The following DENND1A variants were observed in gnomAD, a reference collection of about 807,000 sequenced individuals.
DENND1A encodes the protein DENN domain-containing protein 1A.
A neutral mutation model predicts 113.7 loss-of-function variants in DENND1A; 51 were observed. The ratio of observed to expected loss-of-function variants is 0.45; its 90% CI spans 0.36 to 0.57. DENND1A has a LOEUF of 0.57. DENND1A is among the 20% of genes least tolerant of loss of function. The pLI is 0.00. For missense variants in DENND1A, 1,258 were observed against 1,395.9 expected (o/e 0.90, Z 1.57); for synonymous variants, 565 against 570.8 (o/e 0.99, Z 0.14).
chr9:123,582,952 G>A (rs1267665429), intron 12 of DENND1A, among the ~76,000 whole-genome samples: 3 of 151,924 alleles, frequency 2.0e-5, no homozygotes, highest in East Asian at 1.9e-4. Flanking sequence ...ACCCGCCTCG[G>A]CCTCCCAAAG....
intron 9 of DENND1A, 44 bp downstream of exon 9, chr9:123,651,969 A>G (rs763013256): frequency 6.5e-7 from 1 of 1,541,092 alleles, no homozygotes; most frequent in South Asian, 1.2e-5. Context: ...TCTTTCAATT[A>G]AAATTAGATC....
At chr9:123,668,614 G>A (rs1450026692) in intron 7 of DENND1A, among the ~76,000 whole-genome samples, 2 of 152,148 alleles carry the variant, frequency 1.3e-5, no homozygotes, top group Non-Finnish European at 2.9e-5. Context: ...CTAGAGCTGT[G>A]CTCTTTCCAC....
intron 19 of DENND1A, among the ~76,000 whole-genome samples, chr9:123,432,672 G>T (rs2046223600): frequency 6.6e-6 from 1 of 152,246 alleles, no homozygotes; most frequent in South Asian, 2.1e-4. Flanking sequence ...GGTGTGCAGG[G>T]TATACCGCCT....
intron 9 of DENND1A, among the ~76,000 whole-genome samples, chr9:123,639,969 G>A (rs562285189): frequency 6.6e-6 from 1 of 152,242 alleles, no homozygotes; most frequent in African/African-American, 2.4e-5. Context: ...GCTCCTGGGT[G>A]TTGAGGAACC....
chr9:123,536,805 G>A (rs1341704146), intron 13 of DENND1A, among the ~76,000 whole-genome samples: 1 of 152,112 alleles, frequency 6.6e-6, no homozygotes, highest in Non-Finnish European at 1.5e-5. Context: ...AGTAGGGGAA[G>A]GGAACCCACA....
chr9:123,667,047 T>C lies in DENND1A; in HGVS notation c.486A>G (p.Glu162=), dbSNP rs2063526290. The C allele has an allele frequency of 6.3e-7, 1 of 1,598,340 alleles. No homozygotes were observed. The highest frequency in any genetic ancestry group is 1.4e-5 in the African/African-American group (1 of 73,852). ...TTACATTCTCAGGTATGCTGGGAAGTTCTCTGGTATCAGGCACAGTAAAAT... is the reference window on the plus strand; with the variant it reads ...TTACATTCTCAGGTATGCTGGGAAGCTCTCTGGTATCAGGCACAGTAAAAT... ...HSYFTVPDTR[E]LPSIPENRNL... Residue 162 remains glutamate, a synonymous_variant, in exon 8 of 24, where the codon GAA becomes GAG. Coordinates refer to ENST00000394215, the MANE Select transcript of DENND1A (RefSeq NM_001352964.2).
intron 1 of DENND1A, among the ~76,000 whole-genome samples, chr9:123,886,893 T>C (rs1032116805): frequency 4.6e-5 from 7 of 152,208 alleles, no homozygotes; most frequent in African/African-American, 1.4e-4. Flanking sequence ...CAGGATCAGA[T>C]TAATGAAGAT....
intron 2 of DENND1A, among the ~76,000 whole-genome samples, chr9:123,827,330 AT>A (rs948148089): frequency 3.3e-5 from 5 of 151,180 alleles, no homozygotes; most frequent in African/African-American, 1.2e-4. Context: ...GAATAAGATT[AT>A]TTAGTGGCCT....
intron 19 of DENND1A, among the ~76,000 whole-genome samples, chr9:123,415,836 G>A (rs558051913): frequency 3.6e-4 from 55 of 152,298 alleles, no homozygotes; most frequent in East Asian, 1.7e-3. Flanking sequence ...TAGACAGGGC[G>A]TGGTGGGGCC....
chr9:123,599,424 C>T (rs532715687), intron 11 of DENND1A, among the ~76,000 whole-genome samples: 2 of 152,274 alleles, frequency 1.3e-5, no homozygotes, highest in East Asian at 1.9e-4. Context: ...TTGTACAAAA[C>T]GACTGTTGAG....
chr9:123,411,804 G>C lies in DENND1A; in HGVS notation c.1514C>G (p.Pro505Arg), dbSNP rs1420420554. The change falls in exon 20 of 24, where the codon CCG (proline) becomes CGG (arginine). Residue 505 changes from proline to arginine, a missense_variant. Pro to Arg is a moderately radical substitution (Grantham distance 103, BLOSUM62 -2). Coordinates refer to ENST00000394215, the MANE Select transcript of DENND1A (RefSeq NM_001352964.2). ...GQLQRLRPTR[P>R]PPKIQRSRPV... ...CCTCGAGCGCTGTATCTTGGGAGGC[G>C]GTCGGGTGGGACGCAGTCTCTGCAG... 1 of 985,790 alleles carries C rather than the reference G, an allele frequency of 1.0e-6. No homozygotes were observed. Among genetic ancestry groups the C allele is most frequent in the Admixed American group, 6.2e-5 (1 of 16,260 alleles). 61.1% of individuals were successfully genotyped at this position (985,790 alleles called of 1,614,324 possible).
intron 9 of DENND1A, among the ~76,000 whole-genome samples, chr9:123,634,041 G>A (rs1282205074): frequency 6.6e-6 from 1 of 152,170 alleles, no homozygotes; most frequent in African/African-American, 2.4e-5. Context: ...AATGAACCTG[G>A]TTAAGACAGA....
At chr9:123,439,876 T>G (rs2046797701) in intron 19 of DENND1A, 1 of 152,218 alleles carries the variant, frequency 6.6e-6, no homozygotes, top group South Asian at 2.1e-4. Context: ...CTTAAAAAAT[T>G]GAATCTCTAG....
At chr9:123,660,613 A>T (rs2063185757) in intron 8 of DENND1A, among the ~76,000 whole-genome samples, 1 of 152,228 alleles carries the variant, frequency 6.6e-6, no homozygotes, top group Non-Finnish European at 1.5e-5. Flanking sequence ...TTTTTATCAT[A>T]ACATTATTTA....
intron 5 of DENND1A, among the ~76,000 whole-genome samples, chr9:123,752,530 T>A (rs2070143536): frequency 6.6e-6 from 1 of 152,208 alleles, no homozygotes; most frequent in Non-Finnish European, 1.5e-5. Context: ...GTAGTTCCTT[T>A]ATAAAAGACA....
At chr9:123,693,835 T>TATTA (rs1400489642) in intron 5 of DENND1A, among the ~76,000 whole-genome samples, 1 of 148,264 alleles carries the variant, frequency 6.7e-6, no homozygotes, top group Non-Finnish European at 1.5e-5. Context: ...TTATTATTAT[T>TATTA]ATTATTATTT....
intron 22 of DENND1A, among the ~76,000 whole-genome samples, chr9:123,385,448 C>G (rs1157633337): frequency 6.6e-6 from 1 of 152,220 alleles, no homozygotes; most frequent in Non-Finnish European, 1.5e-5. Flanking sequence ...CAGGTGTGAG[C>G]CATTGCGCCT....
At chr9:123,508,371 G>A (rs540460167) in intron 13 of DENND1A, among the ~76,000 whole-genome samples, 10 of 152,290 alleles carry the variant, frequency 6.6e-5, no homozygotes, top group Middle Eastern at 3.4e-3. Context: ...TTCATGGTTC[G>A]TAAATTCTAA....
chr9:123,765,649 T>C (rs541890041), intron 4 of DENND1A, among the ~76,000 whole-genome samples: 2 of 152,324 alleles, frequency 1.3e-5, no homozygotes, highest in Admixed American at 6.5e-5. Context: ...TTTTCCATCA[T>C]CCAATGCATG....
Sources: allele counts gnomAD v4.1 joint callset (sites outside exome capture counted in the v4.1 genomes callset), GRCh38; gene constraint gnomAD v4.1.1; transcripts MANE v1.5; gene names NCBI Gene and HGNC (gene_info 2026-07-23, HGNC 2026-07-21).